DENND2A: variants seen among roughly 807,000 people sequenced by gnomAD.
DENND2A encodes DENN domain-containing protein 2A.
DENND2A carries 53 observed loss-of-function variants against 105.3 expected under a neutral mutation model. That is an observed-to-expected ratio of 0.50 (90% CI 0.40 to 0.63). The LOEUF (loss-of-function observed/expected upper bound fraction) is 0.63. DENND2A is among the 30% of genes least tolerant of loss of function. The pLI is 0.00. For synonymous variants in DENND2A, 522 were observed against 508.4 expected (o/e 1.03, Z -0.36); for missense variants, 1,138 against 1,279.6 (o/e 0.89, Z 1.69).
At chr7:140,555,573 C>T in intron 12 of DENND2A, 63 bp downstream of exon 12, 1 of 1,471,076 alleles carries the variant, frequency 6.8e-7, no homozygotes, top group Non-Finnish European at 9.4e-7. Context: ...GGGGTATTCC[C>T]TGGAGCCCTC....
intron 19 of DENND2A, 97 bp from the exon 20 acceptor site, chr7:140,518,835 C>A: frequency 9.1e-7 from 1 of 1,104,908 alleles, no homozygotes; most frequent in South Asian, 1.3e-5. Context: ...GGTAACGGGG[C>A]CCCCACGCCA....
rs1261097282 is a variant in DENND2A, at chr7:140,525,810, AG to A, written c.2506-19del. On this transcript the variant is annotated intron_variant, in intron 15 of 19. Coordinates refer to ENST00000496613, the MANE Select transcript of DENND2A (RefSeq NM_015689.5). ...ACAAGGACCTATGAGATGAGACGAA[AG>A]GGACTGTTACTGTCACCAGGGCTTC... 4.4e-6 allele frequency: 7 copies of A among 1,591,730 alleles called. No individual in the cohort carries two copies. Among genetic ancestry groups the A allele is most frequent in the Admixed American group, 1.7e-5 (1 of 57,428 alleles).
chr7:140,573,884 G>T lies in DENND2A; in HGVS notation c.1370C>A (p.Thr457Asn). Residue 457 changes from threonine to asparagine, a missense_variant, in exon 6 of 20, where the codon ACT (threonine) becomes AAT (asparagine). This residue lies in a region of DENND2A where 627 missense variants were observed against 779.8 expected (regional missense o/e 0.80). Coordinates refer to ENST00000496613, the MANE Select transcript of DENND2A (RefSeq NM_015689.5). ...GAAAATGTCATCAGGGCTGCTGGGA[G>T]TGGAGGGAGGGCTGATTTTGGAAGG... ...GSPSKISPPS[T>N]PSSPDDIFFN... is the part of the protein sequence containing the mutation. The T allele has an allele frequency of 6.2e-7, 1 of 1,614,192 alleles. No individual in the cohort carries two copies. The highest frequency in any genetic ancestry group is 8.5e-7 in the Non-Finnish European group (1 of 1,180,042).
At chr7:140,633,608 G>A (rs1481032912) in intron 1 of DENND2A, among the ~76,000 whole-genome samples, 1 of 152,288 alleles carries the variant, frequency 6.6e-6, no homozygotes, top group Non-Finnish European at 1.5e-5. Context: ...GTGAGGGAGA[G>A]AGAGAGGCCC....
At chr7:140,519,034 A>G (rs1231124338) in intron 19 of DENND2A, among the ~76,000 whole-genome samples, 1 of 152,144 alleles carries the variant, frequency 6.6e-6, no homozygotes, top group African/African-American at 2.4e-5. Flanking sequence ...GAGCCAGGGG[A>G]GGAGAAAGTG....
At position 140,587,640 on chromosome 7, in the gene DENND2A, T is replaced by C. The variant is rs1489959077; in HGVS notation, c.1123+13A>G. 3 of 1,613,262 alleles carry C rather than the reference T, an allele frequency of 1.9e-6. No homozygotes were observed. The highest frequency in any genetic ancestry group is 2.5e-6 in the Non-Finnish European group (3 of 1,179,888). The stretch of plus-strand genomic sequence containing the variant: ...CAGACTCAGATCCGCACACAGACGC[T>C]GTGGCTTCTTACCTAGAATGTCTTC... On this transcript the variant is annotated intron_variant, in intron 4 of 19. Transcript: ENST00000496613.
At chr7:140,615,327 G>C (rs1365690268) in intron 1 of DENND2A, among the ~76,000 whole-genome samples, 2 of 152,120 alleles carry the variant, frequency 1.3e-5, no homozygotes, top group African/African-American at 4.8e-5. Context: ...GAAGCCAAAG[G>C]CTCTGTGCTG....
chr7:140,640,829 T>G (rs1203068799), upstream of DENND2A: 1 of 149,526 alleles, frequency 6.7e-6, no homozygotes, highest in Non-Finnish European at 1.5e-5. This position sits in a 1 kb window ranked among gnomAD's most constrained non-coding sequence, Gnocchi z 4.9. Flanking sequence ...GCGCGCCCCC[T>G]CCTCCCGACC....
At chr7:140,619,089 C>T (rs1296748839) in intron 1 of DENND2A, among the ~76,000 whole-genome samples, 4 of 152,170 alleles carry the variant, frequency 2.6e-5, no homozygotes, top group Non-Finnish European at 4.4e-5. Flanking sequence ...TGAGCCACCG[C>T]GCCCGGCCTG....
At chr7:140,616,173 C>T (rs1329205717) in intron 1 of DENND2A, among the ~76,000 whole-genome samples, 1 of 152,052 alleles carries the variant, frequency 6.6e-6, no homozygotes. Flanking sequence ...TCAAGACCAG[C>T]CTGGCCAACA....
chr7:140,593,635 T>C (rs1799154645), intron 3 of DENND2A, among the ~76,000 whole-genome samples: 1 of 152,210 alleles, frequency 6.6e-6, no homozygotes, highest in African/African-American at 2.4e-5. Flanking sequence ...TTGCCCAGTG[T>C]TGCCATCCAA....
At chr7:140,560,989 G>A (rs961892984) in intron 9 of DENND2A, among the ~76,000 whole-genome samples, 12 of 151,986 alleles carry the variant, frequency 7.9e-5, no homozygotes, top group Non-Finnish European at 1.5e-5. Flanking sequence ...TACTAAAGTC[G>A]TGAGTTTATT....
chr7:140,564,467 C>T (rs530660), intron 9 of DENND2A, among the ~76,000 whole-genome samples: 67,724 of 151,856 alleles, frequency 0.45, 15,607 homozygotes, highest in African/African-American at 0.54. Flanking sequence ...GAGAGGTTTA[C>T]AAAAGAGTAC....
intron 5 of DENND2A, among the ~76,000 whole-genome samples, chr7:140,579,224 C>T (rs1423189517): frequency 5.3e-5 from 8 of 151,548 alleles, no homozygotes; most frequent in African/African-American, 9.7e-5. Flanking sequence ...ATCCCGGAGG[C>T]GGAGGTTGCA....
rs761975899 is a variant in DENND2A at position 140,585,562 on chromosome 7, C to T, written c.1245+27G>A. On this transcript the variant is annotated intron_variant, in intron 5 of 19. Transcript: ENST00000496613. ...GGCCACCATGCTTTGGCCCCCTCTC[C>T]TGCCACCATTCCCAGGGGACTCATA... is the stretch of plus-strand genomic sequence containing the variant. 1.2e-5 allele frequency: 19 copies of T among 1,613,442 alleles called. 1 individual carries two copies. In the South Asian group the frequency reaches 1.6e-4, roughly 14 times the overall value.
At chr7:140,605,291 A>G (rs943256879) in intron 2 of DENND2A, among the ~76,000 whole-genome samples, 1 of 152,176 alleles carries the variant, frequency 6.6e-6, no homozygotes, top group African/African-American at 2.4e-5. Context: ...ATGTGAGAGG[A>G]TCAGAGAAAG....
chr7:140,595,427 G>C (rs1799243356), intron 3 of DENND2A, among the ~76,000 whole-genome samples: 1 of 151,906 alleles, frequency 6.6e-6, no homozygotes, highest in African/African-American at 2.4e-5. Context: ...TTAGTAAATT[G>C]TTTTGAATCC....
rs139848094 is a variant in DENND2A, at chr7:140,563,676, TAAAAAAAAAAAAAA to T, written c.1779+3396_1779+3409del. The stretch of plus-strand genomic sequence containing the variant: ...TGTACAAGGATGATCACCATTGCAT[TAAAAAAAAAAAAAA>T]AAAAAAAAAAAAAAGCCAGGCACAG... On this transcript the variant is annotated intron_variant, in intron 9 of 19. Transcript: ENST00000496613. 1.0e-4 allele frequency among the ~76,000 whole-genome samples: 3 copies of T among 29,246 alleles called. 1 individual carries two copies. The highest frequency in any genetic ancestry group is 5.0e-4 in the African/African-American group (3 of 6,034). 19.2% of individuals were successfully genotyped at this position (29,246 alleles called of 152,430 possible).
chr7:140,590,702 A>G (rs989985794), intron 3 of DENND2A, among the ~76,000 whole-genome samples: 1 of 151,776 alleles, frequency 6.6e-6, no homozygotes, highest in African/African-American at 2.4e-5. Flanking sequence ...CCATCTCTAC[A>G]AAAACTAACA....
Sources: gnomAD v4.1 joint callset for allele counts (sites outside exome capture counted in the v4.1 genomes callset) on GRCh38, gnomAD v4.1.1 for gene constraint, gnomAD v4.1.1 regional missense constraint, Gnocchi (gnomAD v3.1) non-coding constraint, MANE v1.5 for transcripts, NCBI Gene and HGNC (gene_info 2026-07-23, HGNC 2026-07-21) for gene names.